PZP: variants seen among roughly 807,000 people sequenced by gnomAD.
The protein encoded by PZP is PZP alpha-2-macroglobulin like.
Under a neutral mutation model 179.8 loss-of-function variants are expected in PZP, and 150 were observed. That is an observed-to-expected ratio of 0.83 (90% confidence interval 0.73 to 0.96). PZP has a LOEUF of 0.96. Among genes scored for constraint, PZP ranks in the 40% least tolerant of loss-of-function variants. The probability of loss-of-function intolerance (pLI) is 0.00; values close to 1 mark genes in which losing one functional copy is unlikely to be tolerated. For synonymous variants in PZP, 624 were observed against 652.3 expected (o/e 0.96, Z 0.66); for missense variants, 1,689 against 1,764.0 (o/e 0.96, Z 0.76).
chr12:9,185,954 T>A (rs980460546), intron 13 of PZP, among the ~76,000 whole-genome samples: 2 of 151,618 alleles, frequency 1.3e-5, no homozygotes, highest in Non-Finnish European at 2.9e-5. Context: ...ACTACAGGCG[T>A]GCACCATCAC....
At position 9,150,790 on chromosome 12, in the gene PZP, T is replaced by C. The variant is rs779891201; in HGVS notation, c.4282-44A>G. Reference sequence around the variant, plus strand: ...GTAATCAAGAACCTAGAAAACCTCCTTCTTTCTCCCATGAGCAAAACATAT... The same window carrying C: ...GTAATCAAGAACCTAGAAAACCTCCCTCTTTCTCCCATGAGCAAAACATAT... On this transcript the variant is annotated intron_variant, in intron 33 of 35. Transcript: ENST00000261336. The C allele has an allele frequency of 9.6e-6, 12 of 1,247,098 alleles. No homozygotes were observed. The African/African-American group carries it at 1.8e-4, about 18-fold the overall frequency. 77.3% of individuals were successfully genotyped at this position (1,247,098 alleles called of 1,614,324 possible).
chr12:9,152,688 G>T, intron 31 of PZP, 136 bp downstream of exon 31: 2 of 889,666 alleles, frequency 2.2e-6, no homozygotes, highest in Non-Finnish European at 1.6e-6. Flanking sequence ...AATGATAAAA[G>T]CCTAAATTCA....
chr12:9,159,005 C>T (rs887008212), intron 25 of PZP, among the ~76,000 whole-genome samples: 5 of 152,126 alleles, frequency 3.3e-5, no homozygotes, highest in Non-Finnish European at 7.4e-5. Context: ...GTAAATATTT[C>T]CCTCCATCAT....
At chr12:9,164,280 G>T in intron 19 of PZP, 21 bp from the exon 20 acceptor site, 1 of 1,609,702 alleles carries the variant, frequency 6.2e-7, no homozygotes, top group African/African-American at 1.3e-5. Flanking sequence ...ATGTGAGGCA[G>T]AGACAGAAAT....
At chr12:9,162,973 C>T (rs1035853404) in intron 21 of PZP, among the ~76,000 whole-genome samples, 1 of 152,220 alleles carries the variant, frequency 6.6e-6, no homozygotes, top group Middle Eastern at 3.4e-3. Flanking sequence ...TTGCTCGCCT[C>T]CATGTGTCTA....
chr12:9,168,683 A>G (rs1449787943), intron 17 of PZP, 186 bp downstream of exon 17: 3 of 509,484 alleles, frequency 5.9e-6, no homozygotes, highest in African/African-American at 2.0e-5. Flanking sequence ...GATGTATCTA[A>G]AAAAAAATCT....
In PZP at chr12:9,160,018, C is replaced by G; in HGVS notation, c.3057G>C (p.Gln1019His). Residue 1019 changes from glutamine (Q) to histidine (H), a missense_variant, in exon 25 of 36, where the codon CAG becomes CAC. Transcript: ENST00000261336. ...KAVGYLITGYQRQLNYKHQDG... is the reference protein window; with the variant it reads ...KAVGYLITGYHRQLNYKHQDG... ...CTTGGTGTTTGTAGTTCAGCTGTCT[C>G]TGGTAACCTGAAATGGAAGGCTTCA... 1 of 1,613,498 alleles carries G rather than the reference C, an allele frequency of 6.2e-7. No homozygotes were observed. Among genetic ancestry groups the G allele is most frequent in the Non-Finnish European group, 8.5e-7 (1 of 1,179,514 alleles).
At chr12:9,187,740 A>T (rs1402803972) in intron 13 of PZP, among the ~76,000 whole-genome samples, 3 of 152,222 alleles carry the variant, frequency 2.0e-5, no homozygotes, top group Admixed American at 1.3e-4. Flanking sequence ...GAAAGATCTC[A>T]ACTTAACCTC....
chr12:9,142,075 C>T, the PZP span, among the ~76,000 whole-genome samples: 2 of 152,296 alleles, frequency 1.3e-5, no homozygotes, highest in East Asian at 3.9e-4. Context: ...GTAAACATCC[C>T]TCTCTTTAAA....
intron 13 of PZP, among the ~76,000 whole-genome samples, chr12:9,188,523 A>C (rs1472224498): frequency 1.3e-5 from 2 of 152,172 alleles, no homozygotes; most frequent in African/African-American, 4.8e-5. Context: ...TCCTCACCAG[A>C]ACAATCGGGC....
the PZP span, among the ~76,000 whole-genome samples, chr12:9,143,466 G>A: frequency 1.3e-5 from 2 of 152,032 alleles, no homozygotes; most frequent in African/African-American, 2.4e-5. Context: ...GGTCAAAAGG[G>A]GTTTCAGAGG....
chr12:9,187,329 G>T (rs1157991824), intron 13 of PZP, among the ~76,000 whole-genome samples: 1 of 152,060 alleles, frequency 6.6e-6, no homozygotes, highest in Non-Finnish European at 1.5e-5. Flanking sequence ...GGACCCAAAT[G>T]GATCTGATAG....
chr12:9,144,193 G>A (rs1939886094), downstream of PZP, among the ~76,000 whole-genome samples: 1 of 152,190 alleles, frequency 6.6e-6, no homozygotes, highest in African/African-American at 2.4e-5. Flanking sequence ...GAGACAGAGA[G>A]AGACAGAGAG....
intron 21 of PZP, 142 bp downstream of exon 21, chr12:9,163,526 G>T: frequency 2.2e-6 from 2 of 930,114 alleles, no homozygotes; most frequent in Non-Finnish European, 1.6e-6. Flanking sequence ...GTTGTCTGCT[G>T]CAATGCTTTT....
chr12:9,202,600 T>C lies in PZP; in HGVS notation c.352A>G (p.Thr118Ala). The C allele has an allele frequency of 1.2e-6, 2 of 1,614,130 alleles. No homozygotes were observed. The highest frequency in any genetic ancestry group is 1.7e-6 in the Non-Finnish European group (2 of 1,179,984). Reference sequence around the variant, plus strand: ...CTTTGGGTGTTCAGTACCAGAACTGTGTTCCTCTTCCTGAAATCTTGCGTA... The same window carrying C: ...CTTTGGGTGTTCAGTACCAGAACTGCGTTCCTCTTCCTGAAATCTTGCGTA... ...GPTQDFRKRN[T>A]VLVLNTQSLV... is the part of the protein sequence containing the mutation. The change falls in exon 3 of 36, where the codon ACA (threonine) becomes GCA (alanine). Residue 118 changes from threonine to alanine, a missense_variant. Physicochemically the swap from Thr to Ala is moderately conservative, Grantham distance 58. This residue lies in a region of PZP where 742 missense variants were observed against 730.5 expected (regional missense o/e 1.02). Transcript: ENST00000261336.
At chr12:9,175,505 T>C (rs1942303155) in intron 15 of PZP, among the ~76,000 whole-genome samples, 1 of 152,112 alleles carries the variant, frequency 6.6e-6, no homozygotes, top group African/African-American at 2.4e-5. Context: ...CAAAAGGAAC[T>C]ATCATTAGAG....
intron 13 of PZP, among the ~76,000 whole-genome samples, chr12:9,185,183 A>G (rs1453534367): frequency 3.9e-5 from 6 of 152,232 alleles, no homozygotes; most frequent in African/African-American, 1.4e-4. Context: ...TAAGAATCAC[A>G]ATAAAATGAT....
chr12:9,147,363 C>T (rs1176045589), downstream of PZP, among the ~76,000 whole-genome samples: 1 of 152,150 alleles, frequency 6.6e-6, no homozygotes, highest in Non-Finnish European at 1.5e-5. Flanking sequence ...TGAAGTAACC[C>T]CTTCTCTCCC....
At position 9,169,605 on chromosome 12, in the gene PZP, G is replaced by T. The variant is rs770780027; in HGVS notation, c.1840-14C>A. On this transcript the variant is annotated splice_polypyrimidine_tract_variant and intron_variant, in intron 15 of 35. Transcript: ENST00000261336. ...CAGATTATATACCTGTAGCAGTGGG[G>T]GGATCAAAGGCAGAACTGTTACTTA... The T allele has an allele frequency of 7.0e-6, 11 of 1,579,572 alleles. No homozygotes were observed. Among genetic ancestry groups the T allele is most frequent in the Non-Finnish European group, 6.9e-6 (8 of 1,166,384 alleles).
Sources: allele counts gnomAD v4.1 joint callset (sites outside exome capture counted in the v4.1 genomes callset), GRCh38; gene constraint gnomAD v4.1.1; regional missense constraint gnomAD v4.1.1; transcripts MANE v1.5; gene names NCBI Gene and HGNC (gene_info 2026-07-23, HGNC 2026-07-21).